The following SHC2 variants were observed in gnomAD, a reference collection of about 807,000 sequenced individuals.
The protein encoded by SHC2 is SHC adaptor protein 2.
Under a neutral mutation model 60.6 loss-of-function variants are expected in SHC2, and 62 were observed. The ratio of observed to expected loss-of-function variants is 1.02; its 90% CI spans 0.83 to 1.26. The LOEUF (loss-of-function observed/expected upper bound fraction) is 1.26. SHC2 is among the 50% of genes most tolerant of loss of function. SHC2 has a pLI of 0.00. For missense variants in SHC2, 873 were observed against 822.2 expected, an observed-to-expected ratio of 1.06 and a Z score of -0.76; for synonymous variants, 375 against 372.4, an observed-to-expected ratio of 1.01 and a Z score of -0.08.
intron 8 of SHC2, 79 bp downstream of exon 8, chr19:434,630 A>G (rs1974673946): frequency 8.0e-7 from 1 of 1,252,346 alleles, no homozygotes; most frequent in African/African-American, 3.3e-5. Flanking sequence ...ACAGGAGCAG[A>G]AAGAAGAGCT....
Position 438,527 on chromosome 19 carries a change from G to GT in SHC2, c.720+190dup, listed in dbSNP as rs1974773009. Among the ~76,000 whole-genome samples the GT allele has an allele frequency of 6.6e-6, 1 of 152,202 alleles. No individual in the cohort carries two copies. Among genetic ancestry groups the GT allele is most frequent in the Non-Finnish European group, 1.5e-5 (1 of 68,040 alleles). On this transcript the variant is annotated intron_variant, in intron 4 of 12. Coordinates refer to ENST00000264554, the MANE Select transcript of SHC2 (RefSeq NM_012435.3). The surrounding 1 kb of genome is among the most constrained non-coding windows in gnomAD (Gnocchi z 5.0). ...CCCTGTATCAGGACGGCTCGCCCAG[G>GT]TGGGAGCCCCTGAGCTGAGCCCCGT...
At position 434,874 on chromosome 19, in the gene SHC2, C is replaced by G; in HGVS notation, c.954-9G>C. The G allele has an allele frequency of 6.2e-7, 1 of 1,607,542 alleles. No individual in the cohort carries two copies. The highest frequency in any genetic ancestry group is 1.1e-5 in the South Asian group (1 of 90,912). ...CCTCCGGCCCTGCCAGCCTGGGGGA[C>G]AGACAACAACGGCCATGGCACAGGC... On this transcript the variant is annotated splice_polypyrimidine_tract_variant and intron_variant, in intron 7 of 12. Coordinates refer to ENST00000264554, the MANE Select transcript of SHC2 (RefSeq NM_012435.3).
In SHC2 at chr19:425,012, G is replaced by A. The variant is rs923840823; in HGVS notation, c.1309+85C>T. 7.4e-5 allele frequency: 95 copies of A among 1,290,656 alleles called. No individual in the cohort carries two copies. The highest frequency in any genetic ancestry group is 2.0e-4 in the Middle Eastern group (1 of 4,896). The allele number at this position is 1,290,656 out of a possible 1,614,324, so 80.0% of individuals were successfully genotyped here. Reference sequence around the variant, plus strand: ...CTCCCCCATCAGACCAGGGAATCCCGTAGGGAGTGGGGGTGGGGTTGTGCC... The same window carrying A: ...CTCCCCCATCAGACCAGGGAATCCCATAGGGAGTGGGGGTGGGGTTGTGCC... On this transcript the variant is annotated intron_variant, in intron 10 of 12. Transcript: ENST00000264554. The surrounding 1 kb of genome is among the most constrained non-coding windows in gnomAD (Gnocchi z 4.1).
At position 440,764 on chromosome 19, in the gene SHC2, C is replaced by T. The variant is rs970804018; in HGVS notation, c.539+98G>A. ...CCGAGGCTGCGTCCTGGGACCCCAG[C>T]GCGGCTGTCGGAGAGCCCATCGCTG... On this transcript the variant is annotated intron_variant, in intron 2 of 12. Coordinates refer to ENST00000264554, the MANE Select transcript of SHC2 (RefSeq NM_012435.3). This position sits in a 1 kb window ranked among gnomAD's most constrained non-coding sequence, Gnocchi z 7.0. 139 of 1,035,008 alleles carry T rather than the reference C, an allele frequency of 1.3e-4. No homozygotes were observed. In the East Asian group the frequency reaches 2.8e-3, roughly 21 times the overall value. The allele number at this position is 1,035,008 out of a possible 1,614,324, so 64.1% of individuals were successfully genotyped here. A position where few individuals can be genotyped will look rare whatever the true frequency, so the allele number is the denominator to read the frequency against.
At position 440,608 on chromosome 19, in the gene SHC2, C is replaced by G. The variant is rs1568291330; in HGVS notation, c.539+254G>C. Among the ~76,000 whole-genome samples the G allele has an allele frequency of 6.6e-6, 1 of 152,200 alleles. No homozygotes were observed. The highest frequency in any genetic ancestry group is 1.5e-5 in the Non-Finnish European group (1 of 68,030). ...GCACCCCACGCCGTGCGGGGACTTG[C>G]CCAGCACCCTGTGAGCGACCGGCGT... On this transcript the variant is annotated intron_variant, in intron 2 of 12. Transcript: ENST00000264554. The surrounding 1 kb of genome is among the most constrained non-coding windows in gnomAD (Gnocchi z 7.0).
chr19:430,393 A>G (rs1347214060), intron 9 of SHC2, among the ~76,000 whole-genome samples: 1 of 151,716 alleles, frequency 6.6e-6, no homozygotes, highest in African/African-American at 2.4e-5. Context: ...TCCAACATGC[A>G]TGGACACCTA....
intron 11 of SHC2, among the ~76,000 whole-genome samples, chr19:421,397 CAAAAAA>C (rs10582067): frequency 7.4e-4 from 89 of 120,142 alleles, no homozygotes; most frequent in Admixed American, 1.5e-3. Flanking sequence ...GAGACTCCAT[CAAAAAA>C]AAAAAAAAAA....
At chr19:455,286 G>T (rs1012839045) in intron 1 of SHC2, among the ~76,000 whole-genome samples, 1 of 152,024 alleles carries the variant, frequency 6.6e-6, no homozygotes, top group African/African-American at 2.4e-5. Flanking sequence ...AGCCCTAAAG[G>T]CATCGCGAGT....
At chr19:429,511 A>C (rs889042580) in intron 9 of SHC2, among the ~76,000 whole-genome samples, 1 of 148,922 alleles carries the variant, frequency 6.7e-6, no homozygotes, top group African/African-American at 2.5e-5. Context: ...GTGCACGGAA[A>C]CCTAACACCG....
rs1388641875 is a variant in SHC2, at chr19:438,942, C to T, written c.600+28G>A. ...CACAGCCCCCGACTGCCCCACCAGC[C>T]CCACGAGAGACCACAAGCCTCACTC... On this transcript the variant is annotated intron_variant, in intron 3 of 12. Coordinates refer to ENST00000264554, the MANE Select transcript of SHC2 (RefSeq NM_012435.3). The surrounding 1 kb of genome is among the most constrained non-coding windows in gnomAD (Gnocchi z 5.0). 2 of 1,586,812 alleles carry T rather than the reference C, an allele frequency of 1.3e-6. No individual in the cohort carries two copies. The highest frequency in any genetic ancestry group is 1.1e-5 in the South Asian group (1 of 87,374).
In SHC2 at chr19:438,686, C is replaced by G; in HGVS notation, c.720+32G>C. The stretch of plus-strand genomic sequence containing the variant: ...TAGGACTCCTGGCCCCTCTGGGGGT[C>G]TGGGGACGCCAGGCGAAGAGGGCAG... On this transcript the variant is annotated intron_variant, in intron 4 of 12. Transcript: ENST00000264554. The surrounding 1 kb of genome is among the most constrained non-coding windows in gnomAD (Gnocchi z 5.0). The G allele has an allele frequency of 6.5e-7, 1 of 1,546,860 alleles. No homozygotes were observed. Among genetic ancestry groups the G allele is most frequent in the Non-Finnish European group, 8.7e-7 (1 of 1,146,452 alleles).
intron 8 of SHC2, among the ~76,000 whole-genome samples, chr19:431,016 T>C (rs1268549738): frequency 6.6e-6 from 1 of 152,204 alleles, no homozygotes; most frequent in East Asian, 1.9e-4. Context: ...CCTGCCTGGA[T>C]AACCTTCCCC....
In SHC2 at chr19:418,933, G is replaced by T; in HGVS notation, c.1744C>A (p.Pro582Thr). Residue 582 changes from proline to threonine, a missense_variant, in exon 12 of 13, where the codon CCC (proline) becomes ACC (threonine). Transcript: ENST00000264554. The part of the protein sequence containing the change: ...LHLRGVVSRE[P>T] ...GCGGCAGCCACACACCTGGCTCAGG[G>T]CTCCCGTGAGACCACGCCACGCAGG... 6.3e-7 allele frequency: 1 copy of T among 1,587,422 alleles called. No homozygotes were observed. Among genetic ancestry groups the T allele is most frequent in the Non-Finnish European group, 8.6e-7 (1 of 1,166,138 alleles).
rs922816100 is a variant in SHC2, at chr19:446,799, A to C, written c.469-5867T>G. ...CGTTAAGGGAAGGAGCCACTGTACA[A>C]GTCAGTAAACCGAAGCCCAGAGAGG... is the stretch of plus-strand genomic sequence containing the variant. On this transcript the variant is annotated intron_variant, in intron 1 of 12. Transcript: ENST00000264554. The surrounding 1 kb of genome is among the most constrained non-coding windows in gnomAD (Gnocchi z 5.4). 3.9e-5 allele frequency among the ~76,000 whole-genome samples: 6 copies of C among 152,194 alleles called. No individual in the cohort carries two copies. Among genetic ancestry groups the C allele is most frequent in the African/African-American group, 1.4e-4 (6 of 41,452 alleles).
At chr19:450,982 T>C (rs1437056166) in intron 1 of SHC2, among the ~76,000 whole-genome samples, 1 of 149,332 alleles carries the variant, frequency 6.7e-6, no homozygotes, top group African/African-American at 2.5e-5. Flanking sequence ...TTTCAGTGTG[T>C]GGATGGCCAC....
In SHC2 at chr19:422,407, G is replaced by A. The variant is rs367674305; in HGVS notation, c.1359C>T (p.Gly453=). ...CCAAGGGAAGAGGGGCTGCTGTCAC[G>A]CCTGCCGCCACTGAGCACTCATGCA... is the stretch of plus-strand genomic sequence containing the variant. ...LKLHECSVAA[G]VTAAPLPLED... Residue 453 remains glycine (G), a synonymous_variant, in exon 11 of 13, where the codon GGC becomes GGT. Coordinates refer to ENST00000264554, the MANE Select transcript of SHC2 (RefSeq NM_012435.3). This position sits in a 1 kb window ranked among gnomAD's most constrained non-coding sequence, Gnocchi z 5.0. The A allele has an allele frequency of 2.9e-4, 461 of 1,591,608 alleles. No individual in the cohort carries two copies. The highest frequency in any genetic ancestry group is 3.6e-4 in the Non-Finnish European group (426 of 1,169,440).
intron 1 of SHC2, among the ~76,000 whole-genome samples, chr19:444,417 T>C (rs75538755): frequency 0.038 from 5,733 of 151,960 alleles, 246 homozygotes; most frequent in East Asian, 0.19. Context: ...GGATTCTCAT[T>C]CCCTTACCTG....
intron 11 of SHC2, among the ~76,000 whole-genome samples, chr19:421,412 AAAAAG>A (rs1555703189): frequency 6.9e-6 from 1 of 144,610 alleles, no homozygotes; most frequent in Non-Finnish European, 1.5e-5. Context: ...AAAAAAAAAA[AAAAAG>A]AAAAGAAAAG....
chr19:429,319 A>C (rs1465502203), intron 9 of SHC2, among the ~76,000 whole-genome samples: 7 of 140,002 alleles, frequency 5.0e-5, no homozygotes, highest in South Asian at 4.7e-4. Context: ...ACGGAAACCT[A>C]ACACCGTGTG....
Sources: gnomAD v4.1 joint callset for allele counts (sites outside exome capture counted in the v4.1 genomes callset) on GRCh38, gnomAD v4.1.1 for gene constraint, Gnocchi (gnomAD v3.1) non-coding constraint, MANE v1.5 for transcripts, NCBI Gene and HGNC (gene_info 2026-07-23, HGNC 2026-07-21) for gene names.